Variants in CSMD1 observed in about 807,000 individuals in gnomAD.
The protein encoded by CSMD1 is CUB and sushi domain-containing protein 1.
In CSMD1, 213 loss-of-function variants were observed where a neutral mutation model predicts 417.5. That is an observed-to-expected ratio of 0.51 (90% CI 0.46 to 0.57). CSMD1 has a LOEUF of 0.57. Among genes scored for constraint, CSMD1 ranks in the 20% least tolerant of loss-of-function variants. CSMD1 has a pLI of 0.00. For synonymous variants in CSMD1, 2,862 were observed against 1,736.8 expected, an observed-to-expected ratio of 1.65 and a Z score of -16.11; for missense variants, 6,923 against 4,529.7, an observed-to-expected ratio of 1.53 and a Z score of -15.17.
At chr8:3,773,497 G>T (rs1437521060) in intron 5 of CSMD1, among the ~76,000 whole-genome samples, 2 of 152,114 alleles carry the variant, frequency 1.3e-5, no homozygotes, top group African/African-American at 4.8e-5. Context: ...GTGTTTCCCA[G>T]GCTGGTCTTG....
Position 4,890,030 on chromosome 8 carries a change from G to C in CSMD1, c.85+104302C>G, listed in dbSNP as rs147815653. ...TACCTAATAATTAATATTTCCTGAGGTTCTTGAGGTGAAAGGTAAAGGTGC... is the reference window on the plus strand; with the variant it reads ...TACCTAATAATTAATATTTCCTGAGCTTCTTGAGGTGAAAGGTAAAGGTGC... On this transcript the variant is annotated intron_variant, in intron 1 of 69. Transcript: ENST00000635120. 2.0e-5 allele frequency among the ~76,000 whole-genome samples: 3 copies of C among 152,186 alleles called. No individual in the cohort carries two copies. The East Asian group carries it at 5.8e-4, about 29-fold the overall frequency.
chr8:4,958,223 T>C (rs1180190496), intron 1 of CSMD1, among the ~76,000 whole-genome samples: 1 of 152,218 alleles, frequency 6.6e-6, no homozygotes, highest in Non-Finnish European at 1.5e-5. Context: ...ATAGTTTTCA[T>C]GAAGAGTCAA....
intron 2 of CSMD1, among the ~76,000 whole-genome samples, chr8:4,465,109 A>G (rs1421550410): frequency 6.6e-6 from 1 of 152,164 alleles, no homozygotes; most frequent in Non-Finnish European, 1.5e-5. Context: ...GGAGACACTA[A>G]CAGTTAATTT....
intron 2 of CSMD1, among the ~76,000 whole-genome samples, chr8:4,625,964 T>A (rs1269139894): frequency 6.6e-6 from 1 of 152,158 alleles, no homozygotes; most frequent in East Asian, 1.9e-4. Flanking sequence ...CCTCTAGTGA[T>A]CTGCCCGCCT....
At chr8:4,815,701 A>C (rs1342558479) in intron 1 of CSMD1, among the ~76,000 whole-genome samples, 2 of 150,706 alleles carry the variant, frequency 1.3e-5, no homozygotes, top group Admixed American at 1.3e-4. Flanking sequence ...TCTCAAAAAA[A>C]AAAAAAAAAA....
intron 32 of CSMD1, among the ~76,000 whole-genome samples, chr8:3,200,332 A>C (rs367651185): frequency 6.6e-6 from 1 of 152,010 alleles, no homozygotes; most frequent in Non-Finnish European, 1.5e-5. Context: ...AAGCTGGTGG[A>C]TCACTTGAGG....
At chr8:4,848,359 T>C (rs1025719378) in intron 1 of CSMD1, among the ~76,000 whole-genome samples, 1 of 152,196 alleles carries the variant, frequency 6.6e-6, no homozygotes, top group Non-Finnish European at 1.5e-5. Flanking sequence ...ACCTATACAA[T>C]GGTGGTCACG....
intron 12 of CSMD1, among the ~76,000 whole-genome samples, chr8:3,450,250 T>C (rs1424966090): frequency 6.6e-6 from 1 of 152,156 alleles, no homozygotes; most frequent in East Asian, 1.9e-4. Flanking sequence ...TTCTCTGTCA[T>C]GACCTAATCA....
intron 3 of CSMD1, among the ~76,000 whole-genome samples, chr8:4,328,744 T>A (rs1799698683): frequency 6.6e-6 from 1 of 152,210 alleles, no homozygotes; most frequent in Non-Finnish European, 1.5e-5. Context: ...TCTTGTTTTA[T>A]CAAAAAAGTT....
intron 15 of CSMD1, among the ~76,000 whole-genome samples, chr8:3,405,314 C>A (rs1048066789): frequency 6.6e-6 from 1 of 152,136 alleles, no homozygotes; most frequent in Non-Finnish European, 1.5e-5. Flanking sequence ...TCTAAGTAAA[C>A]ATTTTTAAAA....
intron 2 of CSMD1, among the ~76,000 whole-genome samples, chr8:4,444,546 T>C (rs1262487864): frequency 2.0e-5 from 3 of 152,002 alleles, no homozygotes; most frequent in Non-Finnish European, 2.9e-5. Context: ...AATGTCCATC[T>C]TTTAGGGGTT....
At position 3,929,153 on chromosome 8, in the gene CSMD1, G is replaced by A. The variant is rs1296315416; in HGVS notation, c.818+68750C>T. 1.3e-5 allele frequency among the ~76,000 whole-genome samples: 2 copies of A among 150,156 alleles called. 1 individual carries two copies. Among genetic ancestry groups the A allele is most frequent in the Non-Finnish European group, 3.0e-5 (2 of 67,488 alleles). ...CAAGATGCTTTCTACTGCCCCCTCT[G>A]GAAGGATACACTTAACAAGAGTGCA... On this transcript the variant is annotated intron_variant, in intron 5 of 69. Coordinates refer to ENST00000635120, the MANE Select transcript of CSMD1 (RefSeq NM_033225.6).
intron 26 of CSMD1, among the ~76,000 whole-genome samples, chr8:3,268,754 C>T (rs746967876): frequency 1.9e-4 from 29 of 152,222 alleles, no homozygotes; most frequent in Non-Finnish European, 3.2e-4. Context: ...CTCTGCCTAC[C>T]TACTCCTGTG....
chr8:3,594,197 C>A lies in CSMD1; in HGVS notation c.1098-7937G>T, dbSNP rs1405032968. 1.3e-5 allele frequency among the ~76,000 whole-genome samples: 2 copies of A among 152,118 alleles called. 1 individual carries two copies. On this transcript the variant is annotated intron_variant, in intron 8 of 69. Coordinates refer to ENST00000635120, the MANE Select transcript of CSMD1 (RefSeq NM_033225.6). ...GTTTGGCACTCATTTACGGCCGTCC[C>A]CAAATGCACCAGACATGAGGCGAGC... is the stretch of plus-strand genomic sequence containing the variant.
intron 3 of CSMD1, among the ~76,000 whole-genome samples, chr8:4,282,118 T>C (rs1049540923): frequency 1.3e-5 from 2 of 152,234 alleles, no homozygotes; most frequent in East Asian, 1.9e-4. Context: ...TTTTTAATTA[T>C]GTAAACTTTA....
chr8:4,668,690 T>A (rs1429296088), intron 1 of CSMD1, among the ~76,000 whole-genome samples: 2 of 151,864 alleles, frequency 1.3e-5, no homozygotes, highest in African/African-American at 4.8e-5. Context: ...GACCTAGTGA[T>A]CTCCCCGCGT....
intron 37 of CSMD1, among the ~76,000 whole-genome samples, chr8:3,176,772 CTT>C (rs1480487650): frequency 7.8e-5 from 10 of 127,782 alleles, no homozygotes; most frequent in East Asian, 7.7e-4. Context: ...CTTTCTTTTT[CTT>C]TTTCTTTCTT....
At chr8:3,922,347 T>TA (rs924353540) in intron 5 of CSMD1, among the ~76,000 whole-genome samples, 1 of 151,208 alleles carries the variant, frequency 6.6e-6, no homozygotes, top group Non-Finnish European at 1.5e-5. Flanking sequence ...GTCTTTGGAT[T>TA]AAAAAAAAAT....
At chr8:3,686,464 G>A (rs1799950245) in intron 7 of CSMD1, among the ~76,000 whole-genome samples, 2 of 152,066 alleles carry the variant, frequency 1.3e-5, no homozygotes, top group South Asian at 4.1e-4. Context: ...ACCATATGCT[G>A]CTCTGGCATG....
Sources: gnomAD v4.1 joint callset for allele counts (sites outside exome capture counted in the v4.1 genomes callset) on GRCh38, gnomAD v4.1.1 for gene constraint, MANE v1.5 for transcripts, NCBI Gene and HGNC (gene_info 2026-07-23, HGNC 2026-07-21) for gene names.